RASSF8: variants seen among roughly 807,000 people sequenced by gnomAD.
The protein encoded by RASSF8 is ras association domain-containing protein 8.
In RASSF8, 22 loss-of-function variants were observed where a neutral mutation model predicts 48.5. The ratio of observed to expected loss-of-function variants is 0.45; its 90% CI spans 0.32 to 0.65. RASSF8 has a LOEUF of 0.65. RASSF8 is among the 30% of genes least tolerant of loss of function. The pLI is 0.03. For missense variants in RASSF8, 418 were observed against 489.2 expected, an observed-to-expected ratio of 0.85 and a Z score of 1.37; for synonymous variants, 127 against 171.5, an observed-to-expected ratio of 0.74 and a Z score of 2.03.
At chr12:25,967,805 G>A (rs1294049112) in intron 1 of RASSF8, among the ~76,000 whole-genome samples, 1 of 152,144 alleles carries the variant, frequency 6.6e-6, no homozygotes, top group Non-Finnish European at 1.5e-5. Flanking sequence ...CTGCTCTCTG[G>A]GGAGGACAGG....
chr12:26,061,464 A>C (rs1413364869), intron 3 of RASSF8, among the ~76,000 whole-genome samples: 3 of 152,140 alleles, frequency 2.0e-5, no homozygotes, highest in African/African-American at 7.2e-5. Context: ...AAGTATAATT[A>C]ATATTTTTTA....
At chr12:25,984,243 T>G (rs1592232154) in intron 1 of RASSF8, among the ~76,000 whole-genome samples, 1 of 144,972 alleles carries the variant, frequency 6.9e-6, no homozygotes, top group African/African-American at 2.6e-5. Context: ...TTTTTTTTTT[T>G]TTTTTTTAGT....
chr12:26,015,953 C>T (rs1413377893), intron 2 of RASSF8, among the ~76,000 whole-genome samples: 2 of 152,102 alleles, frequency 1.3e-5, no homozygotes, highest in African/African-American at 4.8e-5. Flanking sequence ...CTAATGGTTA[C>T]TTTCAAGTGC....
chr12:26,031,475 A>C (rs1282184026), intron 2 of RASSF8, among the ~76,000 whole-genome samples: 4 of 152,188 alleles, frequency 2.6e-5, no homozygotes, highest in Non-Finnish European at 5.9e-5. Flanking sequence ...CTTCTGCCAC[A>C]GGCCCAGTAG....
intron 1 of RASSF8, among the ~76,000 whole-genome samples, chr12:25,976,762 A>G (rs906116528): frequency 6.6e-6 from 1 of 152,122 alleles, no homozygotes; most frequent in Non-Finnish European, 1.5e-5. Context: ...TCAAAATGCC[A>G]AGAACCTGGA....
chr12:26,045,064 T>G (rs1021056574), intron 2 of RASSF8, among the ~76,000 whole-genome samples: 4 of 152,184 alleles, frequency 2.6e-5, no homozygotes, highest in African/African-American at 7.2e-5. Context: ...TTGGCTTAGA[T>G]TTTCTTCAGA....
At chr12:26,053,297 T>C (rs11048393) in intron 2 of RASSF8, among the ~76,000 whole-genome samples, 69,344 of 151,946 alleles carry the variant, frequency 0.46, 17,256 homozygotes, top group Non-Finnish European at 0.58. Context: ...GTTTAAGATA[T>C]TTTAATGAAT....
At chr12:25,995,442 A>G (rs532181614) in intron 2 of RASSF8, among the ~76,000 whole-genome samples, 3 of 152,080 alleles carry the variant, frequency 2.0e-5, no homozygotes, top group Non-Finnish European at 4.4e-5. Context: ...GTGTGTCACC[A>G]CTCTTGGGCT....
chr12:26,006,505 G>A lies in RASSF8; in HGVS notation c.-109+11375G>A, dbSNP rs57590561. Among the ~76,000 whole-genome samples, 1,342 of 152,310 alleles carry A rather than the reference G, an allele frequency of 8.8e-3. 24 individuals carry two copies. The highest frequency in any genetic ancestry group is 0.031 in the African/African-American group (1,283 of 41,562). Reference sequence around the variant, plus strand: ...AACTGTCATCCTTTTTATTAAAATAGTACTGTTTTTCCCAAATGCTTGTCT... The same window carrying A: ...AACTGTCATCCTTTTTATTAAAATAATACTGTTTTTCCCAAATGCTTGTCT... On this transcript the variant is annotated intron_variant, in intron 2 of 5. Transcript: ENST00000689635.
In RASSF8 at chr12:26,071,583, G is replaced by A. The variant is rs1443446769; in HGVS notation, c.*2765G>A. ...ATAGTGTGTTGCCTGTGGACATAGT[G>A]TCCATAGTCCCTTTCTTGTCCTTCT... is the stretch of plus-strand genomic sequence containing the variant. On this transcript the variant is annotated 3_prime_UTR_variant, in exon 6 of 6. Transcript: ENST00000689635. 10 of 984,590 alleles carry A rather than the reference G, an allele frequency of 1.0e-5. No homozygotes were observed. The highest frequency in any genetic ancestry group is 1.1e-5 in the Non-Finnish European group (9 of 829,322). The allele number at this position is 984,590 out of a possible 1,614,324, so 61.0% of individuals were successfully genotyped here.
At position 25,977,539 on chromosome 12, in the gene RASSF8, A is replaced by AT. The variant is rs1170866643; in HGVS notation, c.-202-17495dup. ...GCAGTTCTTGTTCTTGACCTCATGTATTTAACAGGAAAATTGTTTTCCATT... is the reference window on the plus strand; with the variant it reads ...GCAGTTCTTGTTCTTGACCTCATGTATTTTAACAGGAAAATTGTTTTCCATT... On this transcript the variant is annotated intron_variant, in intron 1 of 5. Transcript: ENST00000689635. Among the ~76,000 whole-genome samples the AT allele has an allele frequency of 5.3e-5, 8 of 151,874 alleles. No homozygotes were observed. The East Asian group carries it at 1.5e-3, about 29-fold the overall frequency.
intron 3 of RASSF8, among the ~76,000 whole-genome samples, chr12:26,059,067 T>A (rs558442906): frequency 6.6e-6 from 1 of 152,362 alleles, no homozygotes; most frequent in African/African-American, 2.4e-5. Context: ...CTAAACTGCT[T>A]CTCAAATCTA....
chr12:26,043,374 A>G (rs965011257), intron 2 of RASSF8, among the ~76,000 whole-genome samples: 10 of 152,192 alleles, frequency 6.6e-5, no homozygotes, highest in African/African-American at 2.4e-4. Flanking sequence ...GTAGAGGGGA[A>G]CTGGGAGAGT....
At chr12:25,984,518 T>C (rs1450388733) in intron 1 of RASSF8, among the ~76,000 whole-genome samples, 1 of 152,174 alleles carries the variant, frequency 6.6e-6, no homozygotes, top group Non-Finnish European at 1.5e-5. Context: ...AATTTTTGCA[T>C]TTTTAGTAGA....
Position 26,069,618 on chromosome 12 carries a change from G to T in RASSF8, c.*800G>T. ...GGCATGGGGTTTCCTGATACATTATGTGTTTTGTTTCTGCCCTGTCTTATC... is the reference window on the plus strand; with the variant it reads ...GGCATGGGGTTTCCTGATACATTATTTGTTTTGTTTCTGCCCTGTCTTATC... On this transcript the variant is annotated 3_prime_UTR_variant, in exon 6 of 6. Transcript: ENST00000689635. 1 of 985,416 alleles carries T rather than the reference G, an allele frequency of 1.0e-6. No homozygotes were observed. Among genetic ancestry groups the T allele is most frequent in the Non-Finnish European group, 1.2e-6 (1 of 829,918 alleles). 61.0% of individuals were successfully genotyped at this position (985,416 alleles called of 1,614,324 possible).
chr12:26,071,504 A>C lies in RASSF8; in HGVS notation c.*2686A>C. On this transcript the variant is annotated 3_prime_UTR_variant, in exon 6 of 6. Transcript: ENST00000689635. ...TTATCTTACCAAGAAATAATTTGGA[A>C]TAGCATTGGTATATTTGACCTTTTG... 1.0e-6 allele frequency: 1 copy of C among 965,728 alleles called. No homozygotes were observed. The highest frequency in any genetic ancestry group is 1.2e-6 in the Non-Finnish European group (1 of 811,978). The allele number at this position is 965,728 out of a possible 1,614,324, so 59.8% of individuals were successfully genotyped here. A position where few individuals can be genotyped will look rare whatever the true frequency, so the allele number is the denominator to read the frequency against.
chr12:26,063,556 C>T (rs1733273519), intron 3 of RASSF8, among the ~76,000 whole-genome samples: 2 of 152,138 alleles, frequency 1.3e-5, no homozygotes, highest in Middle Eastern at 3.4e-3. Flanking sequence ...GCACCATTCC[C>T]GGCTAACTTT....
intron 2 of RASSF8, among the ~76,000 whole-genome samples, chr12:26,005,105 A>G (rs1276073754): frequency 6.6e-6 from 1 of 152,178 alleles, no homozygotes; most frequent in Non-Finnish European, 1.5e-5. Flanking sequence ...GTTTCTCTGC[A>G]GAAAAAGAAA....
chr12:26,026,472 G>A (rs1050061747), intron 2 of RASSF8, among the ~76,000 whole-genome samples: 13 of 152,160 alleles, frequency 8.5e-5, no homozygotes, highest in African/African-American at 3.1e-4. Context: ...GTCTCGCTTT[G>A]TTGCTCAGGT....
Sources: allele counts gnomAD v4.1 joint callset (sites outside exome capture counted in the v4.1 genomes callset), GRCh38; gene constraint gnomAD v4.1.1; transcripts MANE v1.5; gene names NCBI Gene and HGNC (gene_info 2026-07-23, HGNC 2026-07-21).